The following MED1 variants were observed in gnomAD, a reference collection of about 807,000 sequenced individuals.
MED1 encodes the protein mediator complex subunit 1.
A neutral mutation model predicts 121.3 loss-of-function variants in MED1; 17 were observed. That is an observed-to-expected ratio of 0.14 (90% CI 0.10 to 0.21). The LOEUF (loss-of-function observed/expected upper bound fraction) is 0.21, where lower values mean the gene tolerates loss of function less well. MED1 is among the 10% of genes least tolerant of loss of function. The pLI is 1.00. For missense variants in MED1, 1,558 were observed against 1,919.4 expected (o/e 0.81, Z 3.52); for synonymous variants, 661 against 694.4 (o/e 0.95, Z 0.76).
At chr17:39,415,590 C>T (rs2048400938) in intron 14 of MED1, among the ~76,000 whole-genome samples, 1 of 152,052 alleles carries the variant, frequency 6.6e-6, no homozygotes, top group African/African-American at 2.4e-5. Flanking sequence ...GTGGGCTCAT[C>T]ACCTGAGGTC....
At chr17:39,423,669 G>A (rs760100720) in intron 12 of MED1, 28 bp downstream of exon 12, 50 of 1,613,540 alleles carry the variant, frequency 3.1e-5, no homozygotes, top group Non-Finnish European at 4.0e-5. Context: ...TTTATAACAA[G>A]TACTAGATCC....
chr17:39,433,777 T>C (rs1234817646), intron 7 of MED1, among the ~76,000 whole-genome samples: 4 of 152,096 alleles, frequency 2.6e-5, no homozygotes, highest in Admixed American at 1.3e-4. Flanking sequence ...CAGGCTGGTA[T>C]TGATCTCCTG....
Position 39,407,811 on chromosome 17 carries a change from G to T in MED1, c.4410C>A (p.Ser1470=), listed in dbSNP as rs144008522. Reference sequence around the variant, plus strand: ...TATTCTGATAAGATTTCTCTGCTATGGAGGAGCCTGACTCACTTTCACTGT... The same window carrying T: ...TATTCTGATAAGATTTCTCTGCTATTGAGGAGCCTGACTCACTTTCACTGT... The part of the protein sequence containing the change: ...NLDSESESGS[S]IAEKSYQNSP... Residue 1470 remains serine (S), a synonymous_variant, in exon 17 of 17, where the codon TCC becomes TCA. Transcript: ENST00000300651. 2.4e-5 allele frequency: 38 copies of T among 1,614,036 alleles called. No individual in the cohort carries two copies. The highest frequency in any genetic ancestry group is 2.7e-5 in the Non-Finnish European group (32 of 1,180,042).
At chr17:39,414,496 G>A (rs963791236) in intron 16 of MED1, among the ~76,000 whole-genome samples, 50 of 150,462 alleles carry the variant, frequency 3.3e-4, no homozygotes, top group African/African-American at 1.1e-3. Context: ...CCACCATGCC[G>A]GGCTAATTTT....
In MED1 at chr17:39,415,021, G is replaced by C. The variant is rs1315685180; in HGVS notation, c.1499+5C>G. On this transcript the variant is annotated splice_donor_5th_base_variant and intron_variant, in intron 16 of 16. Coordinates refer to ENST00000300651, the MANE Select transcript of MED1 (RefSeq NM_004774.4). Reference sequence around the variant, plus strand: ...GGGACTCAGATGAAAAAGGGCCAAGGCTACCTTTGAACAACTTTGGCAATG... The same window carrying C: ...GGGACTCAGATGAAAAAGGGCCAAGCCTACCTTTGAACAACTTTGGCAATG... 6.2e-7 allele frequency: 1 copy of C among 1,612,738 alleles called. No homozygotes were observed. Among genetic ancestry groups the C allele is most frequent in the Non-Finnish European group, 8.5e-7 (1 of 1,178,870 alleles).
chr17:39,436,913 G>C (rs1396867051), intron 6 of MED1, among the ~76,000 whole-genome samples: 2 of 151,344 alleles, frequency 1.3e-5, no homozygotes, highest in Non-Finnish European at 2.9e-5. Flanking sequence ...GATTACACGT[G>C]TGAGCCACTA....
At position 39,405,492 on chromosome 17, in the gene MED1, T is replaced by C; in HGVS notation, c.*1983A>G. The C allele has an allele frequency of 8.6e-6, 12 of 1,400,494 alleles. No homozygotes were observed. Among genetic ancestry groups the C allele is most frequent in the Non-Finnish European group, 1.1e-5 (12 of 1,078,790 alleles). 86.8% of individuals were successfully genotyped at this position (1,400,494 alleles called of 1,614,324 possible). Reference sequence around the variant, plus strand: ...TTTTTTCCTGCAGAAACCAACGGGATAGGATTCAAAACTAGGTGACAAACT... The same window carrying C: ...TTTTTTCCTGCAGAAACCAACGGGACAGGATTCAAAACTAGGTGACAAACT... On this transcript the variant is annotated 3_prime_UTR_variant, in exon 17 of 17. Coordinates refer to ENST00000300651, the MANE Select transcript of MED1 (RefSeq NM_004774.4).
intron 1 of MED1, among the ~76,000 whole-genome samples, chr17:39,450,598 T>C (rs144578617): frequency 1.7e-3 from 260 of 152,304 alleles, no homozygotes; most frequent in African/African-American, 6.1e-3. Context: ...ACTTTAAAAA[T>C]ACACAATGGC....
Position 39,434,263 on chromosome 17 carries a change from G to A in MED1, c.486C>T (p.Asn162=). 1 of 1,563,612 alleles carries A rather than the reference G, an allele frequency of 6.4e-7. No individual in the cohort carries two copies. Among genetic ancestry groups the A allele is most frequent in the Non-Finnish European group, 8.6e-7 (1 of 1,157,424 alleles). ...KHLKGLVNLY[N]LPGDNKLKTK... Reference sequence around the variant, plus strand: ...AAAATACTTACTTGTCCCCTGGAAGGTTATACAGATTAACAAGGCCCTTAA... The same window carrying A: ...AAAATACTTACTTGTCCCCTGGAAGATTATACAGATTAACAAGGCCCTTAA... Residue 162 remains asparagine, a synonymous_variant, in exon 7 of 17, where the codon AAC becomes AAT. Coordinates refer to ENST00000300651, the MANE Select transcript of MED1 (RefSeq NM_004774.4).
chr17:39,406,946 ATTAC>A lies in MED1; in HGVS notation c.*525_*528del. ...CACTCCTAAGAAACAGACACCAAAC[ATTAC>A]TTAAGTGTCCAAAATGACCAAAGTC... On this transcript the variant is annotated 3_prime_UTR_variant, in exon 17 of 17. Transcript: ENST00000300651. The A allele has an allele frequency of 1.0e-6, 1 of 986,178 alleles. No homozygotes were observed. The highest frequency in any genetic ancestry group is 1.2e-6 in the Non-Finnish European group (1 of 830,104). 61.1% of individuals were successfully genotyped at this position (986,178 alleles called of 1,614,324 possible).
intron 3 of MED1, among the ~76,000 whole-genome samples, chr17:39,441,130 TA>T (rs2048670885): frequency 6.6e-6 from 1 of 152,100 alleles, no homozygotes; most frequent in African/African-American, 2.4e-5. Flanking sequence ...TTTTCAACCT[TA>T]AAAAAGAAAG....
intron 16 of MED1, among the ~76,000 whole-genome samples, chr17:39,414,334 CA>C (rs1213996460): frequency 1.3e-5 from 2 of 151,038 alleles, no homozygotes; most frequent in African/African-American, 4.9e-5. Flanking sequence ...ATTCTGAAAA[CA>C]ACATTTTTTT....
chr17:39,445,081 T>C (rs1328656486), intron 2 of MED1, among the ~76,000 whole-genome samples: 2 of 152,184 alleles, frequency 1.3e-5, no homozygotes, highest in Non-Finnish European at 2.9e-5. Context: ...AATTTATTAA[T>C]AATCTGAAAT....
At chr17:39,433,313 G>A (rs1306771019) in intron 7 of MED1, among the ~76,000 whole-genome samples, 3 of 151,448 alleles carry the variant, frequency 2.0e-5, no homozygotes, top group Non-Finnish European at 2.9e-5. Flanking sequence ...AGGCTGCAGT[G>A]AGCTGAGGTC....
chr17:39,418,085 CAAAAAAAAAA>C (rs760116991), intron 14 of MED1, among the ~76,000 whole-genome samples: 2 of 55,648 alleles, frequency 3.6e-5, no homozygotes, highest in South Asian at 2.0e-3. Context: ...GACTCCGTCT[CAAAAAAAAAA>C]AAAAAAAAAA....
intron 9 of MED1, among the ~76,000 whole-genome samples, chr17:39,430,239 G>T (rs1003656389): frequency 6.6e-6 from 1 of 152,056 alleles, no homozygotes; most frequent in African/African-American, 2.4e-5. Flanking sequence ...ACAAAAATTA[G>T]TCGGGTGTGG....
chr17:39,414,795 G>A (rs563778326), intron 16 of MED1, among the ~76,000 whole-genome samples: 8 of 151,456 alleles, frequency 5.3e-5, no homozygotes, highest in African/African-American at 1.2e-4. Context: ...TCAGCCTCCC[G>A]AGTAGCTGGT....
At chr17:39,444,054 T>C (rs2048703734) in intron 2 of MED1, among the ~76,000 whole-genome samples, 1 of 152,120 alleles carries the variant, frequency 6.6e-6, no homozygotes, top group Non-Finnish European at 1.5e-5. Context: ...CAAAATGTAA[T>C]ACATGAGATC....
At chr17:39,422,037 A>G (rs2048469815) in intron 13 of MED1, among the ~76,000 whole-genome samples, 1 of 148,742 alleles carries the variant, frequency 6.7e-6, no homozygotes, top group Admixed American at 6.7e-5. Flanking sequence ...CTGAGGCAGG[A>G]GAATGGCATG....
Sources: gnomAD v4.1 joint callset for allele counts (sites outside exome capture counted in the v4.1 genomes callset) on GRCh38, gnomAD v4.1.1 for gene constraint, MANE v1.5 for transcripts, NCBI Gene and HGNC (gene_info 2026-07-23, HGNC 2026-07-21) for gene names.